XKR9: variants seen among roughly 807,000 people sequenced by gnomAD.
XKR9 encodes the protein XK-related protein 9.
Under a neutral mutation model 32.0 loss-of-function variants are expected in XKR9, and 32 were observed. That is an observed-to-expected ratio of 1.00 (90% CI 0.76 to 1.34). The LOEUF (loss-of-function observed/expected upper bound fraction) is 1.34. Ranked by LOEUF, XKR9 falls within the 40% of genes most tolerant of loss-of-function variation. The pLI is 0.00. For missense variants in XKR9, 546 were observed against 429.7 expected (o/e 1.27, Z -2.39); for synonymous variants, 168 against 143.4 (o/e 1.17, Z -1.22).
intron 1 of XKR9, among the ~76,000 whole-genome samples, chr8:70,670,142 T>C (rs1237166869): frequency 6.6e-6 from 1 of 152,228 alleles, no homozygotes; most frequent in East Asian, 1.9e-4. Context: ...GCTGCCCAGA[T>C]GACAGAGTCT....
the XKR9 span, among the ~76,000 whole-genome samples, chr8:70,833,262 C>T: frequency 6.6e-6 from 1 of 152,076 alleles, no homozygotes; most frequent in Non-Finnish European, 1.5e-5. Flanking sequence ...TTGTAATTTA[C>T]AGCAATTGCC....
the XKR9 span, among the ~76,000 whole-genome samples, chr8:70,815,398 C>T: frequency 6.6e-6 from 1 of 152,104 alleles, no homozygotes; most frequent in African/African-American, 2.4e-5. Flanking sequence ...ATTTAGCTCC[C>T]ACTTACAAGT....
At chr8:70,679,395 A>G (rs534137856) in intron 2 of XKR9, among the ~76,000 whole-genome samples, 5 of 152,326 alleles carry the variant, frequency 3.3e-5, no homozygotes, top group South Asian at 4.1e-4. Flanking sequence ...TGACCTTCAC[A>G]ACAACCCTAT....
At chr8:70,881,825 T>C in the XKR9 span, among the ~76,000 whole-genome samples, 1 of 152,236 alleles carries the variant, frequency 6.6e-6, no homozygotes, top group Admixed American at 6.5e-5. Context: ...CGTATGTTTA[T>C]TGCGGCACTA....
chr8:70,702,149 G>T (rs1805559928), intron 3 of XKR9, among the ~76,000 whole-genome samples: 1 of 152,024 alleles, frequency 6.6e-6, no homozygotes, highest in Admixed American at 6.6e-5. Context: ...TTAGAGAGAG[G>T]TCATGTAGTT....
At chr8:70,709,691 C>T (rs1586842231) in intron 4 of XKR9, among the ~76,000 whole-genome samples, 1 of 152,100 alleles carries the variant, frequency 6.6e-6, no homozygotes, top group East Asian at 1.9e-4. Context: ...AATGCAATCC[C>T]TTTTACAGCA....
At chr8:70,942,931 A>G in the XKR9 span, among the ~76,000 whole-genome samples, 2 of 152,118 alleles carry the variant, frequency 1.3e-5, no homozygotes, top group Non-Finnish European at 1.5e-5. Context: ...ATTTTTGCCA[A>G]TCTTCCATAT....
the XKR9 span, among the ~76,000 whole-genome samples, chr8:70,906,053 C>T: frequency 1.3e-5 from 2 of 152,210 alleles, no homozygotes; most frequent in African/African-American, 4.8e-5. Context: ...GGAGGCATCT[C>T]CCAGTTAGGC....
intron 2 of XKR9, among the ~76,000 whole-genome samples, chr8:70,745,260 T>C (rs1402614903): frequency 1.3e-5 from 2 of 152,248 alleles, no homozygotes; most frequent in Admixed American, 6.5e-5. Flanking sequence ...TTTATCCTCA[T>C]GTTCTATATG....
intron 4 of XKR9, among the ~76,000 whole-genome samples, chr8:70,712,251 C>G (rs1338896163): frequency 2.0e-5 from 3 of 152,012 alleles, no homozygotes; most frequent in Non-Finnish European, 2.9e-5. Context: ...CTAAGTTATT[C>G]AACTCTTCCC....
At chr8:70,708,774 T>C (rs992068389) in intron 4 of XKR9, among the ~76,000 whole-genome samples, 2 of 152,236 alleles carry the variant, frequency 1.3e-5, no homozygotes, top group Admixed American at 1.3e-4. Context: ...TATAAAATTA[T>C]GTTATACGAG....
At chr8:70,952,815 G>A in the XKR9 span, among the ~76,000 whole-genome samples, 14 of 152,242 alleles carry the variant, frequency 9.2e-5, no homozygotes, top group Non-Finnish European at 1.8e-4. Flanking sequence ...CTCAAGAGCT[G>A]TAGGCACCAC....
the XKR9 span, among the ~76,000 whole-genome samples, chr8:70,842,006 A>G: frequency 6.6e-6 from 1 of 152,152 alleles, no homozygotes; most frequent in Admixed American, 6.5e-5. Context: ...ATTAATTATT[A>G]CTATGATGGT....
At chr8:70,909,693 T>A in the XKR9 span, among the ~76,000 whole-genome samples, 1 of 148,046 alleles carries the variant, frequency 6.8e-6, no homozygotes, top group African/African-American at 2.5e-5. Flanking sequence ...GAAACCCAGT[T>A]CGATTTATCC....
the XKR9 span, among the ~76,000 whole-genome samples, chr8:71,022,971 G>C: frequency 1.3e-5 from 2 of 150,252 alleles, no homozygotes; most frequent in African/African-American, 4.9e-5. Context: ...CTATTTCTTT[G>C]GTAAATTTAT....
chr8:70,930,558 A>G, the XKR9 span, among the ~76,000 whole-genome samples: 1 of 152,198 alleles, frequency 6.6e-6, no homozygotes, highest in Admixed American at 6.5e-5. Flanking sequence ...GTGTTAATGG[A>G]TGCATTATGT....
the XKR9 span, among the ~76,000 whole-genome samples, chr8:70,979,527 G>A: frequency 6.6e-6 from 1 of 152,184 alleles, no homozygotes; most frequent in Admixed American, 6.5e-5. Flanking sequence ...GTTTGCTGGA[G>A]GTCCACTCCA....
chr8:70,827,759 T>TG, the XKR9 span, among the ~76,000 whole-genome samples: 151 of 152,290 alleles, frequency 9.9e-4, no homozygotes, highest in Non-Finnish European at 1.4e-3. Context: ...ATGTATTTAT[T>TG]GGGGAAAAAA....
intron 2 of XKR9, among the ~76,000 whole-genome samples, chr8:70,680,288 T>C (rs1819030008): frequency 6.6e-6 from 1 of 152,090 alleles, no homozygotes; most frequent in African/African-American, 2.4e-5. Context: ...GTCATTTAGG[T>C]AGTTTTCAAT....
Sources: allele counts gnomAD v4.1 joint callset (sites outside exome capture counted in the v4.1 genomes callset), GRCh38; gene constraint gnomAD v4.1.1; transcripts MANE v1.5; gene names NCBI Gene and HGNC (gene_info 2026-07-23, HGNC 2026-07-21).